Variants in ZNF181 observed in about 807,000 individuals in gnomAD.
ZNF181 encodes the protein zinc finger protein 181 (HHZ181).
Under a neutral mutation model 11.9 loss-of-function variants are expected in ZNF181, and 8 were observed. The observed-to-expected ratio is 0.67, with a 90% CI of 0.39 to 1.21. The LOEUF (loss-of-function observed/expected upper bound fraction) is 1.21, where lower values mean the gene tolerates loss of function less well. Ranked by LOEUF, ZNF181 falls within the 50% of genes most tolerant of loss-of-function variation. The pLI, the probability that ZNF181 is intolerant of heterozygous loss-of-function variation, is 0.01. For synonymous variants in ZNF181, 202 were observed against 221.1 expected, an observed-to-expected ratio of 0.91 and a Z score of 0.77; for missense variants, 542 against 670.9, an observed-to-expected ratio of 0.81 and a Z score of 2.12.
chr19:34,738,862 A>G (rs550493024), intron 1 of ZNF181, among the ~76,000 whole-genome samples: 212 of 152,312 alleles, frequency 1.4e-3, no homozygotes, highest in African/African-American at 4.8e-3. Context: ...AAATTCATGT[A>G]TTTCTGTAAC....
intron 1 of ZNF181, among the ~76,000 whole-genome samples, 157 bp from the exon 2 acceptor site, chr19:34,738,991 C>T (rs1342598437): frequency 1.3e-5 from 2 of 152,222 alleles, no homozygotes; most frequent in Admixed American, 1.3e-4. Flanking sequence ...AACTACATAA[C>T]TGTCCTATTA....
intron 1 of ZNF181, among the ~76,000 whole-genome samples, chr19:34,737,936 C>T (rs1409714083): frequency 6.6e-6 from 1 of 152,164 alleles, no homozygotes; most frequent in African/African-American, 2.4e-5. Flanking sequence ...TCATCTCCTG[C>T]TCTGTGGCCT....
chr19:34,734,575 C>G lies in ZNF181; in HGVS notation c.-463C>G, dbSNP rs2068859647. 1 of 156,244 alleles carries G rather than the reference C, an allele frequency of 6.4e-6. No individual in the cohort carries two copies. The highest frequency in any genetic ancestry group is 2.4e-5 in the African/African-American group (1 of 41,534). The allele number at this position is 156,244 out of a possible 1,614,324, so 9.7% of individuals were successfully genotyped here. On this transcript the variant is annotated 5_prime_UTR_variant, in exon 1 of 4. Coordinates refer to ENST00000492450, the MANE Select transcript of ZNF181 (RefSeq NM_001029997.4). ...GTGGTTAGACGCCAGCCACAGTTGT[C>G]TTTGGGTTATGTCGTCATGAAGCCG...
chr19:34,735,411 C>T (rs944873182), intron 1 of ZNF181, among the ~76,000 whole-genome samples: 1 of 152,148 alleles, frequency 6.6e-6, no homozygotes, highest in African/African-American at 2.4e-5. Context: ...TGACTTATAC[C>T]TATATTCAGA....
Position 34,741,989 on chromosome 19 carries a change from A to G in ZNF181, c.1608A>G (p.Gln536=). 1 of 1,613,812 alleles carries G rather than the reference A, an allele frequency of 6.2e-7. No individual in the cohort carries two copies. ...FSKGSNLTAH[Q]RVHNGEKPNS... Reference sequence around the variant, plus strand: ...AAGGCTCAAATCTTACTGCCCATCAAAGAGTACATAATGGAGAGAAACCCA... The same window carrying G: ...AAGGCTCAAATCTTACTGCCCATCAGAGAGTACATAATGGAGAGAAACCCA... Residue 536 remains glutamine (Q), a synonymous_variant, in exon 4 of 4, where the codon CAA becomes CAG. Transcript: ENST00000492450.
Position 34,734,719 on chromosome 19 carries a change from G to A in ZNF181, c.-319G>A, listed in dbSNP as rs2068861816. ...AACGCACACCGTGCATAGTGGTGAA[G>A]ACTGAACGAGCTGATAAAGTTTTTA... is the stretch of plus-strand genomic sequence containing the variant. On this transcript the variant is annotated 5_prime_UTR_variant, in exon 1 of 4. Transcript: ENST00000492450. 2.3e-6 allele frequency: 1 copy of A among 434,366 alleles called. No homozygotes were observed. Among genetic ancestry groups the A allele is most frequent in the South Asian group, 4.0e-5 (1 of 24,832 alleles). The allele number at this position is 434,366 out of a possible 1,614,324, so 26.9% of individuals were successfully genotyped here.
At chr19:34,737,203 CT>C (rs2068901614) in intron 1 of ZNF181, among the ~76,000 whole-genome samples, 1 of 152,142 alleles carries the variant, frequency 6.6e-6, no homozygotes, top group Non-Finnish European at 1.5e-5. Context: ...AAACTGTGTT[CT>C]TTTTTTCTAC....
In ZNF181 at chr19:34,740,906, A is replaced by G. The variant is rs1461609010; in HGVS notation, c.525A>G (p.Lys175=). The G allele has an allele frequency of 2.5e-6, 4 of 1,613,938 alleles. No individual in the cohort carries two copies. The highest frequency in any genetic ancestry group is 3.4e-6 in the Non-Finnish European group (4 of 1,179,984). The change falls in exon 4 of 4, where the codon AAA becomes AAG. Residue 175 remains lysine, a synonymous_variant. Transcript: ENST00000492450. ...AGTCTACTCTTTCTGAACCACAAAA[A>G]ATTTCTGCTGAAGGGAATTCACACA... is the stretch of plus-strand genomic sequence containing the variant. The part of the protein sequence containing the change: ...HSKSTLSEPQ[K]ISAEGNSHKY...
At chr19:34,737,406 A>T (rs1344026018) in intron 1 of ZNF181, among the ~76,000 whole-genome samples, 1 of 152,264 alleles carries the variant, frequency 6.6e-6, no homozygotes, top group African/African-American at 2.4e-5. Flanking sequence ...ACAGGCAAGC[A>T]GTCTGTTTCA....
chr19:34,736,165 C>T, intron 1 of ZNF181: 1 of 702,906 alleles, frequency 1.4e-6, no homozygotes, highest in South Asian at 1.5e-5. Flanking sequence ...ACTGGTGGGG[C>T]AGAATCATGG....
At position 34,743,146 on chromosome 19, in the gene ZNF181, T is replaced by C. The variant is rs2069004687; in HGVS notation, c.*1049T>C. 1 of 152,154 alleles carries C rather than the reference T, an allele frequency of 6.6e-6. No individual in the cohort carries two copies. The highest frequency in any genetic ancestry group is 2.4e-5 in the African/African-American group (1 of 41,428). The allele number at this position is 152,154 out of a possible 1,614,324, so 9.4% of individuals were successfully genotyped here. A position where few individuals can be genotyped will look rare whatever the true frequency, so the allele number is the denominator to read the frequency against. Reference sequence around the variant, plus strand: ...AGCTTTAGTGGTGTGTCAAAGTCAGTAGGAGGGCTTGTTAAAGCACAGATT... The same window carrying C: ...AGCTTTAGTGGTGTGTCAAAGTCAGCAGGAGGGCTTGTTAAAGCACAGATT... On this transcript the variant is annotated 3_prime_UTR_variant, in exon 4 of 4. Coordinates refer to ENST00000492450, the MANE Select transcript of ZNF181 (RefSeq NM_001029997.4).
chr19:34,735,238 T>C (rs1198154916), intron 1 of ZNF181, among the ~76,000 whole-genome samples, 192 bp downstream of exon 1: 1 of 152,204 alleles, frequency 6.6e-6, no homozygotes, highest in Non-Finnish European at 1.5e-5. Flanking sequence ...GTTCCTCTTT[T>C]CTACAGTTTT....
chr19:34,735,669 TCTAA>T (rs780307436), intron 1 of ZNF181, among the ~76,000 whole-genome samples: 45 of 152,334 alleles, frequency 3.0e-4, no homozygotes, highest in African/African-American at 5.5e-4. Flanking sequence ...TTTCAGTGGC[TCTAA>T]CTGAGTCACT....
chr19:34,735,528 C>A (rs1340362245), intron 1 of ZNF181, among the ~76,000 whole-genome samples: 1 of 152,198 alleles, frequency 6.6e-6, no homozygotes, highest in Non-Finnish European at 1.5e-5. Flanking sequence ...ATAAAGCCAC[C>A]TGGATTATTG....
rs1415476380 is a variant in ZNF181 at position 34,744,234 on chromosome 19, GAGAC to G, written c.*2140_*2143del. On this transcript the variant is annotated 3_prime_UTR_variant, in exon 4 of 4. Transcript: ENST00000492450. ...GGCATATTCCAATAGCAATTTGCAA[GAGAC>G]AGTAGGTTTGGAATGGGGTGGTAAA... 2 of 152,134 alleles carry G rather than the reference GAGAC, an allele frequency of 1.3e-5. No individual in the cohort carries two copies. Among genetic ancestry groups the G allele is most frequent in the African/African-American group, 4.8e-5 (2 of 41,412 alleles). 9.4% of individuals were successfully genotyped at this position (152,134 alleles called of 1,614,324 possible).
At chr19:34,739,038 A>G in intron 1 of ZNF181, 110 bp from the exon 2 acceptor site, 1 of 1,507,208 alleles carries the variant, frequency 6.6e-7, no homozygotes, top group Non-Finnish European at 9.0e-7. Context: ...TCATTGCCAC[A>G]ACTCCTGAAT....
In ZNF181 at chr19:34,740,920, G is replaced by A; in HGVS notation, c.539G>A (p.Gly180Glu). Residue 180 changes from glycine (G) to glutamate (E), a missense_variant, in exon 4 of 4, where the codon GGG becomes GAG. Transcript: ENST00000492450. ...GAACCACAAAAAATTTCTGCTGAAG[G>A]GAATTCACACAAATATGATATATTA... ...LSEPQKISAE[G>E]NSHKYDILKK... 1 of 1,613,832 alleles carries A rather than the reference G, an allele frequency of 6.2e-7. No homozygotes were observed. The highest frequency in any genetic ancestry group is 8.5e-7 in the Non-Finnish European group (1 of 1,179,920).
At chr19:34,740,291 A>G (rs2068949981) in intron 3 of ZNF181, among the ~76,000 whole-genome samples, 1 of 152,210 alleles carries the variant, frequency 6.6e-6, no homozygotes, top group Non-Finnish European at 1.5e-5. Flanking sequence ...ACATGCATAT[A>G]GGCACAAAAT....
Position 34,741,980 on chromosome 19 carries a change from T to C in ZNF181, c.1599T>C (p.Thr533=). The C allele has an allele frequency of 6.2e-7, 1 of 1,613,838 alleles. No individual in the cohort carries two copies. The highest frequency in any genetic ancestry group is 8.5e-7 in the Non-Finnish European group (1 of 1,179,874). The change falls in exon 4 of 4, where the codon ACT becomes ACC. Residue 533 remains threonine (T), a synonymous_variant. Coordinates refer to ENST00000492450, the MANE Select transcript of ZNF181 (RefSeq NM_001029997.4). ...GKAFSKGSNL[T]AHQRVHNGEK... ...CTTTTAGCAAAGGCTCAAATCTTAC[T>C]GCCCATCAAAGAGTACATAATGGAG...
Sources: allele counts gnomAD v4.1 joint callset (sites outside exome capture counted in the v4.1 genomes callset), GRCh38; gene constraint gnomAD v4.1.1; transcripts MANE v1.5; gene names NCBI Gene and HGNC (gene_info 2026-07-23, HGNC 2026-07-21).